Variants in ITCH observed in about 807,000 individuals in gnomAD.
The protein encoded by ITCH is itchy E3 ubiquitin protein ligase, also known as E3 ubiquitin-protein ligase Itchy homolog.
ITCH carries 28 observed loss-of-function variants against 126.8 expected under a neutral mutation model. The ratio of observed to expected loss-of-function variants is 0.22; its 90% CI spans 0.16 to 0.30. ITCH has a LOEUF of 0.30. Among genes scored for constraint, ITCH ranks in the 10% least tolerant of loss-of-function variants. The probability of loss-of-function intolerance (pLI) is 1.00; values close to 1 mark genes in which losing one functional copy is unlikely to be tolerated. For missense variants in ITCH, 631 were observed against 1,032.4 expected, an observed-to-expected ratio of 0.61 and a Z score of 5.33; for synonymous variants, 342 against 340.0, an observed-to-expected ratio of 1.01 and a Z score of -0.06.
intron 3 of ITCH, chr20:34,402,662 C>T (rs2038928157): frequency 3.6e-6 from 2 of 559,042 alleles, no homozygotes; most frequent in African/African-American, 1.9e-5. Context: ...ACCAACAGCA[C>T]CATCACCCAC....
intron 12 of ITCH, among the ~76,000 whole-genome samples, chr20:34,456,184 G>GTGTGTA (rs1222199512): frequency 6.4e-5 from 3 of 47,244 alleles, no homozygotes; most frequent in East Asian, 1.3e-3. Flanking sequence ...GTGTGTGTGT[G>GTGTGTA]TATATATATA....
chr20:34,369,873 G>A (rs1555846459), intron 2 of ITCH, among the ~76,000 whole-genome samples: 1 of 151,962 alleles, frequency 6.6e-6, no homozygotes, highest in Non-Finnish European at 1.5e-5. Flanking sequence ...TGGGGCGAAG[G>A]TGGGAGGATC....
chr20:34,397,946 G>GT (rs376926661), intron 3 of ITCH, among the ~76,000 whole-genome samples: 1 of 149,262 alleles, frequency 6.7e-6, no homozygotes, highest in East Asian at 2.0e-4. Flanking sequence ...ATGATTAATA[G>GT]TTTTTTTCTT....
intron 7 of ITCH, among the ~76,000 whole-genome samples, chr20:34,435,577 T>G (rs1292236546): frequency 2.0e-5 from 3 of 152,184 alleles, no homozygotes; most frequent in Non-Finnish European, 4.4e-5. Flanking sequence ...TTTATTAGAA[T>G]TGTTTGTAGA....
chr20:34,444,227 T>C (rs992353552), intron 10 of ITCH, among the ~76,000 whole-genome samples: 1 of 152,216 alleles, frequency 6.6e-6, no homozygotes, highest in African/African-American at 2.4e-5. Flanking sequence ...ATCAATTCTT[T>C]CAAATGTTTT....
rs531197637 is a variant in ITCH at position 34,473,454 on chromosome 20, T to TCCTTGCATGA, written c.1569+1940_1569+1949dup. ...CCACGCTGCTCACCCTGGAGCCCCATCCTTGCATGAGAGAATGGCGCCACC... is the reference window on the plus strand; with the variant it reads ...CCACGCTGCTCACCCTGGAGCCCCATCCTTGCATGACCTTGCATGAGAGAATGGCGCCACC... On this transcript the variant is annotated intron_variant, in intron 16 of 24. Transcript: ENST00000374864. 5.3e-4 allele frequency among the ~76,000 whole-genome samples: 80 copies of TCCTTGCATGA among 152,308 alleles called. 1 individual carries two copies. The East Asian group carries it at 0.013, about 24-fold the overall frequency.
chr20:34,498,316 C>G (rs545673600), intron 23 of ITCH, among the ~76,000 whole-genome samples: 1 of 152,212 alleles, frequency 6.6e-6, no homozygotes, highest in Non-Finnish European at 1.5e-5. Flanking sequence ...TTCTGATGCC[C>G]TTTATTTCTT....
At chr20:34,364,058 C>T (rs2037311469) in intron 1 of ITCH, among the ~76,000 whole-genome samples, 1 of 152,094 alleles carries the variant, frequency 6.6e-6, no homozygotes, top group Admixed American at 6.6e-5. Flanking sequence ...TTCTAAGGGT[C>T]GAAGCATGAT....
At position 34,480,729 on chromosome 20, in the gene ITCH, TTAAG is replaced by T. The variant is rs1988672290; in HGVS notation, c.1952+3_1952+6del. 3 of 1,599,706 alleles carry T rather than the reference TTAAG, an allele frequency of 1.9e-6. No individual in the cohort carries two copies. Among genetic ancestry groups the T allele is most frequent in the Non-Finnish European group, 2.6e-6 (3 of 1,168,416 alleles). Reference sequence around the variant, plus strand: ...GAATTTTACAATTCTCTCATCTGGGTTAAGTAAGTTTCTTTTTCCATGTAATTTA... The same window carrying T: ...GAATTTTACAATTCTCTCATCTGGGTTAAGTTTCTTTTTCCATGTAATTTA... On this transcript the variant is annotated splice_donor_variant and coding_sequence_variant, in exon 19 of 25. Transcript: ENST00000374864. LOFTEE classifies it high-confidence loss of function.
chr20:34,462,766 T>C (rs1986663275), intron 14 of ITCH, among the ~76,000 whole-genome samples: 1 of 152,206 alleles, frequency 6.6e-6, no homozygotes, highest in Non-Finnish European at 1.5e-5. Flanking sequence ...CTTTAAACAA[T>C]AACTTTAGCA....
At position 34,507,707 on chromosome 20, in the gene ITCH, G is replaced by C; in HGVS notation, c.2502G>C (p.Leu834=). ...LPRSHTCFNR[L]DLPPYKSYEQ... The stretch of plus-strand genomic sequence containing the variant: ...TTCTTGCTTTTAGTTTTAATCGCCT[G>C]GACCTGCCACCATACAAGAGCTATG... The change falls in exon 25 of 25, where the codon CTG becomes CTC. Residue 834 remains leucine, a synonymous_variant. Transcript: ENST00000374864. 6.2e-7 allele frequency: 1 copy of C among 1,613,514 alleles called. No individual in the cohort carries two copies. Among genetic ancestry groups the C allele is most frequent in the Non-Finnish European group, 8.5e-7 (1 of 1,179,632 alleles).
At chr20:34,409,589 A>G (rs1283295997) in intron 4 of ITCH, among the ~76,000 whole-genome samples, 1 of 152,178 alleles carries the variant, frequency 6.6e-6, no homozygotes, top group Non-Finnish European at 1.5e-5. Flanking sequence ...TTACCTGAGT[A>G]CATATGGATC....
Position 34,507,703 on chromosome 20 carries a change from G to A in ITCH, c.2498G>A (p.Arg833His), listed in dbSNP as rs1457975002. Residue 833 changes from arginine to histidine, a missense_variant, in exon 25 of 25, where the codon CGC becomes CAC. Physicochemically the swap from Arg to His is conservative, Grantham distance 29. Coordinates refer to ENST00000374864, the MANE Select transcript of ITCH (RefSeq NM_031483.7). ...WLPRSHTCFN[R>H]LDLPPYKSYE... ...ACAATTCTTGCTTTTAGTTTTAATC[G>A]CCTGGACCTGCCACCATACAAGAGC... The A allele has an allele frequency of 3.1e-6, 5 of 1,612,868 alleles. No individual in the cohort carries two copies. The highest frequency in any genetic ancestry group is 1.3e-5 in the African/African-American group (1 of 74,746).
rs1568945253 is a variant in ITCH, at chr20:34,442,195, T to G, written c.870-13T>G. ...TGCAAGTATTTTACCAGCCTTTTAA[T>G]TTTGTATTTAAGTTGGGAGCAGAGA... On this transcript the variant is annotated splice_polypyrimidine_tract_variant and intron_variant, in intron 9 of 24. Transcript: ENST00000374864. 1.2e-6 allele frequency: 2 copies of G among 1,603,360 alleles called. No individual in the cohort carries two copies.
At chr20:34,491,584 A>G (rs1381382337) in intron 22 of ITCH, among the ~76,000 whole-genome samples, 6 of 47,602 alleles carry the variant, frequency 1.3e-4, no homozygotes, top group Non-Finnish European at 2.3e-4. Flanking sequence ...AAAATTAAAA[A>G]AATCTGGTAT....
intron 2 of ITCH, among the ~76,000 whole-genome samples, chr20:34,390,064 T>A (rs897751976): frequency 2.0e-5 from 3 of 151,186 alleles, no homozygotes; most frequent in Non-Finnish European, 4.4e-5. Flanking sequence ...GAGGTTGCAG[T>A]GAGCTAAGAC....
intron 2 of ITCH, among the ~76,000 whole-genome samples, chr20:34,390,515 A>G (rs1046061318): frequency 7.3e-6 from 1 of 137,796 alleles, no homozygotes; most frequent in African/African-American, 2.7e-5. Context: ...CAATGGCACG[A>G]TGTTGGTTCA....
chr20:34,491,565 A>T (rs1600486343), intron 22 of ITCH, among the ~76,000 whole-genome samples: 1 of 119,898 alleles, frequency 8.3e-6, no homozygotes, highest in Non-Finnish European at 2.0e-5. Flanking sequence ...ATATTTTACA[A>T]AAATTTAAAA....
intron 7 of ITCH, among the ~76,000 whole-genome samples, chr20:34,428,769 G>A (rs1005315267): frequency 1.3e-5 from 2 of 151,848 alleles, no homozygotes; most frequent in Non-Finnish European, 2.9e-5. Context: ...TGACCTGATT[G>A]TACTATAATA....
Sources: gnomAD v4.1 joint callset for allele counts (sites outside exome capture counted in the v4.1 genomes callset) on GRCh38, gnomAD v4.1.1 for gene constraint, MANE v1.5 for transcripts, NCBI Gene and HGNC (gene_info 2026-07-23, HGNC 2026-07-21) for gene names.